The following SCML2 variants were observed in gnomAD, a reference collection of about 807,000 sequenced individuals.
SCML2 encodes sex comb on midleg-like protein 2.
In SCML2, 6 loss-of-function variants were observed where a neutral mutation model predicts 48.4. That is an observed-to-expected ratio of 0.12 (90% CI 0.07 to 0.24). SCML2 has a LOEUF of 0.24. Among genes scored for constraint, SCML2 ranks in the 10% least tolerant of loss-of-function variants. SCML2 has a pLI of 1.00. For missense variants in SCML2, 377 were observed against 528.2 expected (o/e 0.71, Z 2.81); for synonymous variants, 181 against 189.5 (o/e 0.95, Z 0.37).
chrX:18,255,764 T>C (rs1314130289), intron 11 of SCML2, among the ~76,000 whole-genome samples: 2 of 112,881 alleles, frequency 1.8e-5, no homozygotes, highest in Admixed American at 9.3e-5. Context: ...GTACCCACGC[T>C]TCACACTTGA....
At chrX:18,257,109 C>T in intron 10 of SCML2, 79 bp from the exon 11 acceptor site, 1 of 631,938 alleles carries the variant, frequency 1.6e-6, no homozygotes, top group Non-Finnish European at 2.3e-6. Context: ...AAACTATCAC[C>T]TTAGGAAAGG....
intron 7 of SCML2, among the ~76,000 whole-genome samples, chrX:18,295,945 T>A (rs375693242): frequency 4.5e-5 from 5 of 111,461 alleles, no homozygotes; most frequent in African/African-American, 1.6e-4. Flanking sequence ...AACCAACACA[T>A]AAATACATCT....
intron 7 of SCML2, among the ~76,000 whole-genome samples, chrX:18,272,794 G>T (rs1250281581): frequency 1.8e-5 from 2 of 111,373 alleles, no homozygotes; most frequent in South Asian, 7.7e-4. Flanking sequence ...TGCCGCCACT[G>T]CCTGACAAAT....
intron 6 of SCML2, among the ~76,000 whole-genome samples, chrX:18,312,879 A>G (rs1411646240): frequency 9.0e-6 from 1 of 111,004 alleles, no homozygotes; most frequent in Non-Finnish European, 1.9e-5. Flanking sequence ...TATAAACTGT[A>G]TTTAAAGCCA....
chrX:18,310,508 C>T (rs1381810341), intron 6 of SCML2, among the ~76,000 whole-genome samples: 2 of 110,780 alleles, frequency 1.8e-5, no homozygotes, highest in African/African-American at 3.3e-5. Flanking sequence ...TCAGGTGATC[C>T]ACCCACCTCG....
At chrX:18,341,285 C>G in intron 1 of SCML2, 1 of 550,927 alleles carries the variant, frequency 1.8e-6, no homozygotes, top group Non-Finnish European at 2.8e-6. Flanking sequence ...AACAGAGATG[C>G]AGGAGAACAC....
rs779948192 is a variant in SCML2 at position 18,316,846 on chromosome X, G to C, written c.486+3486C>G. Among the ~76,000 whole-genome samples the C allele has an allele frequency of 6.2e-5, 7 of 112,343 alleles. No individual in the cohort carries two copies. In the East Asian group the frequency reaches 2.0e-3, roughly 32 times the overall value. Reference sequence around the variant, plus strand: ...CTCATACGAGTGCAAACCCTATTGTGAACTGCACATGCGAGGAATCTACAT... The same window carrying C: ...CTCATACGAGTGCAAACCCTATTGTCAACTGCACATGCGAGGAATCTACAT... On this transcript the variant is annotated intron_variant, in intron 6 of 14. Transcript: ENST00000251900.
chrX:18,301,102 A>G, intron 7 of SCML2, among the ~76,000 whole-genome samples: 1 of 112,313 alleles, frequency 8.9e-6, no homozygotes, highest in South Asian at 3.7e-4. Flanking sequence ...AAGTGTGAAA[A>G]GAAAAGAATT....
At chrX:18,243,060 TTTG>T (rs913927396) in intron 13 of SCML2, among the ~76,000 whole-genome samples, 6 of 111,678 alleles carry the variant, frequency 5.4e-5, no homozygotes, top group Non-Finnish European at 9.4e-5. Context: ...TTTGTTTTGT[TTTG>T]TTGTTGTTGT....
chrX:18,253,653 A>C (rs1440486811), intron 11 of SCML2, among the ~76,000 whole-genome samples: 1 of 111,996 alleles, frequency 8.9e-6, no homozygotes, highest in Non-Finnish European at 1.9e-5. Flanking sequence ...GTGACCTAGC[A>C]ATTCCCTCCA....
intron 6 of SCML2, among the ~76,000 whole-genome samples, chrX:18,307,277 ACT>A (rs1247314542): frequency 1.8e-5 from 2 of 109,089 alleles, no homozygotes; most frequent in Middle Eastern, 4.6e-3. Flanking sequence ...ACAGAGTGAG[ACT>A]CTGCCTCAAA....
chrX:18,290,843 C>A (rs1242476755), intron 7 of SCML2, among the ~76,000 whole-genome samples: 1 of 110,999 alleles, frequency 9.0e-6, no homozygotes, highest in African/African-American at 3.3e-5. Context: ...AGTTCTGATT[C>A]TAAGTTGCTG....
intron 7 of SCML2, among the ~76,000 whole-genome samples, chrX:18,268,773 A>T (rs945516546): frequency 1.0e-4 from 11 of 110,366 alleles, no homozygotes; most frequent in African/African-American, 3.6e-4. Flanking sequence ...ATAATAATAA[A>T]AAAAAAAAGA....
In SCML2 at chrX:18,341,323, G is replaced by A. The variant is rs763755521; in HGVS notation, c.-24-7228C>T. The A allele has an allele frequency of 7.8e-5, 33 of 421,876 alleles. No homozygotes were observed. The South Asian group carries it at 8.4e-4, about 11-fold the overall frequency. 34.8% of individuals were successfully genotyped at this position (421,876 alleles called of 1,213,427 possible). On this transcript the variant is annotated intron_variant, in intron 1 of 14. Transcript: ENST00000251900. Reference sequence around the variant, plus strand: ...TGCTGACCAAAGAGGCCATTGAGCAGGAGAAGCGGGTGAAATTTCCTAAGA... The same window carrying A: ...TGCTGACCAAAGAGGCCATTGAGCAAGAGAAGCGGGTGAAATTTCCTAAGA...
chrX:18,280,603 T>G (rs1402433636), intron 7 of SCML2, among the ~76,000 whole-genome samples: 6 of 111,802 alleles, frequency 5.4e-5, no homozygotes, highest in African/African-American at 2.0e-4. Context: ...AACCATCTGT[T>G]GTCCTCAAGA....
intron 6 of SCML2, among the ~76,000 whole-genome samples, chrX:18,313,013 G>A (rs1389466312): frequency 1.5e-5 from 1 of 67,560 alleles, no homozygotes; most frequent in African/African-American, 7.1e-5. Context: ...GTGTGCGCGT[G>A]TGTGTGTGTA....
intron 2 of SCML2, among the ~76,000 whole-genome samples, chrX:18,332,181 C>G (rs745706931): frequency 3.6e-5 from 4 of 112,431 alleles, no homozygotes; most frequent in Non-Finnish European, 7.5e-5. Flanking sequence ...ATTCAGTTAC[C>G]TTAAGGCACG....
At chrX:18,255,808 AG>A (rs1465375635) in intron 11 of SCML2, among the ~76,000 whole-genome samples, 4 of 112,695 alleles carry the variant, frequency 3.5e-5, no homozygotes, top group Admixed American at 9.3e-5. Flanking sequence ...GGACTTAAAA[AG>A]ATAGTCTGTG....
At chrX:18,342,275 G>A (rs1930038929) in intron 1 of SCML2, among the ~76,000 whole-genome samples, 1 of 110,424 alleles carries the variant, frequency 9.1e-6, no homozygotes, top group African/African-American at 3.3e-5. Flanking sequence ...AACATAAAGA[G>A]TAGAAGTTGC....
Sources: allele counts gnomAD v4.1 joint callset (sites outside exome capture counted in the v4.1 genomes callset), GRCh38; gene constraint gnomAD v4.1.1; transcripts MANE v1.5; gene names NCBI Gene and HGNC (gene_info 2026-07-23, HGNC 2026-07-21).